The following MMD2 variants were observed in gnomAD, a reference collection of about 807,000 sequenced individuals.
The protein encoded by MMD2 is monocyte to macrophage differentiation associated 2.
MMD2 carries 30 observed loss-of-function variants against 33.5 expected under a neutral mutation model. The ratio of observed to expected loss-of-function variants is 0.90; its 90% confidence interval spans 0.67 to 1.22. MMD2 has a LOEUF of 1.22. MMD2 is among the 50% of genes most tolerant of loss of function. The probability of loss-of-function intolerance (pLI) is 0.00; values close to 1 mark genes in which losing one functional copy is unlikely to be tolerated. For missense variants in MMD2, 364 were observed against 325.4 expected (o/e 1.12, Z -0.91); for synonymous variants, 129 against 123.0 (o/e 1.05, Z -0.32).
intron 3 of MMD2, among the ~76,000 whole-genome samples, chr7:4,919,086 G>A (rs376165052): frequency 2.0e-5 from 3 of 151,754 alleles, no homozygotes; most frequent in East Asian, 1.9e-4. Context: ...GTGACAGAGT[G>A]AGACCCCATC....
In MMD2 at chr7:4,906,919, A is replaced by T. The variant is rs767189135; in HGVS notation, c.*477T>A. On this transcript the variant is annotated 3_prime_UTR_variant, in exon 7 of 7. Coordinates refer to ENST00000401401, the MANE Select transcript of MMD2 (RefSeq NM_198403.4). ...ATGTCTGCCATGGTCACAGCCATTC[A>T]CCATCCCTCATCTTCAAGCTGGGCT... 9 of 240,996 alleles carry T rather than the reference A, an allele frequency of 3.7e-5. No individual in the cohort carries two copies. The highest frequency in any genetic ancestry group is 7.2e-5 in the Non-Finnish European group (9 of 124,738). 14.9% of individuals were successfully genotyped at this position (240,996 alleles called of 1,614,324 possible). A position where few individuals can be genotyped will look rare whatever the true frequency, so the allele number is the denominator to read the frequency against.
chr7:4,895,952 T>C, the MMD2 span, among the ~76,000 whole-genome samples: 1 of 152,088 alleles, frequency 6.6e-6, no homozygotes, highest in Non-Finnish European at 1.5e-5. Context: ...CCGGGAATCA[T>C]GACAAAGACT....
chr7:4,907,602 G>C lies in MMD2; in HGVS notation c.538-3C>G, dbSNP rs763100940. The C allele has an allele frequency of 6.2e-7, 1 of 1,612,018 alleles. No homozygotes were observed. The highest frequency in any genetic ancestry group is 2.2e-5 in the East Asian group (1 of 44,882). On this transcript the variant is annotated splice_region_variant and splice_polypyrimidine_tract_variant and intron_variant, in intron 6 of 6. Transcript: ENST00000401401. ...TCCCAGATGCCCTCGGTGTTGGGCT[G>C]TCGGCAAGGACAAGGGTGGGGCACA... is the stretch of plus-strand genomic sequence containing the variant.
intron 1 of MMD2, among the ~76,000 whole-genome samples, chr7:4,949,277 C>A (rs1050169302): frequency 6.6e-6 from 1 of 151,976 alleles, no homozygotes; most frequent in Non-Finnish European, 1.5e-5. Flanking sequence ...AGGTCTTATT[C>A]ATACTAACTA....
intron 4 of MMD2, among the ~76,000 whole-genome samples, chr7:4,914,525 C>T (rs1785093426): frequency 6.6e-6 from 1 of 152,074 alleles, no homozygotes; most frequent in African/African-American, 2.4e-5. Context: ...GTTTTTGTCC[C>T]CAACAAAGAG....
intron 3 of MMD2, among the ~76,000 whole-genome samples, chr7:4,918,877 C>T (rs1448306556): frequency 6.6e-6 from 1 of 151,822 alleles, no homozygotes; most frequent in Non-Finnish European, 1.5e-5. Context: ...GAGGGCAGAT[C>T]GCCTGAGCCC....
chr7:4,894,655 C>A, the MMD2 span, among the ~76,000 whole-genome samples: 281 of 152,198 alleles, frequency 1.8e-3, no homozygotes, highest in African/African-American at 6.6e-3. The surrounding 1 kb of genome is among the most constrained non-coding windows in gnomAD (Gnocchi z 4.3). Flanking sequence ...ACTCAGCCCG[C>A]CCCTGGCCAC....
At chr7:4,939,454 A>T (rs1785841539) in intron 1 of MMD2, among the ~76,000 whole-genome samples, 1 of 151,594 alleles carries the variant, frequency 6.6e-6, no homozygotes. Flanking sequence ...GAGGTGGGAG[A>T]ATAGCTTGAA....
intron 2 of MMD2, among the ~76,000 whole-genome samples, chr7:4,923,989 G>C (rs1013315431): frequency 5.9e-5 from 9 of 152,042 alleles, no homozygotes; most frequent in Non-Finnish European, 1.2e-4. Context: ...TCAGGAGATC[G>C]AGACCATTCT....
downstream of MMD2, among the ~76,000 whole-genome samples, chr7:4,903,940 C>CTT (rs775137042): frequency 6.6e-6 from 1 of 151,216 alleles, no homozygotes; most frequent in African/African-American, 2.4e-5. Flanking sequence ...CCTCCCCACC[C>CTT]TTTTTTTTTG....
chr7:4,911,287 C>A, intron 4 of MMD2, 41 bp from the exon 5 acceptor site: 3 of 1,504,518 alleles, frequency 2.0e-6, no homozygotes, highest in Non-Finnish European at 2.7e-6. Flanking sequence ...TGAGGGGGGC[C>A]CACCAGGACC....
At chr7:4,939,066 T>C (rs1450808111) in intron 1 of MMD2, among the ~76,000 whole-genome samples, 1 of 151,818 alleles carries the variant, frequency 6.6e-6, no homozygotes, top group Non-Finnish European at 1.5e-5. Context: ...AACAATTAGC[T>C]GAGCATGGTG....
chr7:4,955,184 T>A (rs1786350208), intron 1 of MMD2, among the ~76,000 whole-genome samples: 1 of 152,198 alleles, frequency 6.6e-6, no homozygotes, highest in Non-Finnish European at 1.5e-5. Flanking sequence ...CATGAATCTA[T>A]TTCAGGCCTC....
the MMD2 span, among the ~76,000 whole-genome samples, chr7:4,897,798 T>C: frequency 6.6e-6 from 1 of 152,076 alleles, no homozygotes; most frequent in Non-Finnish European, 1.5e-5. Flanking sequence ...AGTACAATGG[T>C]GTGATCTCGG....
chr7:4,915,394 TTA>T (rs1785113822), intron 4 of MMD2, among the ~76,000 whole-genome samples: 1 of 152,080 alleles, frequency 6.6e-6, no homozygotes, highest in African/African-American at 2.4e-5. Context: ...TTACACATAT[TTA>T]TATATGTGTA....
chr7:4,929,639 C>A (rs755277069), intron 1 of MMD2, among the ~76,000 whole-genome samples: 2 of 152,040 alleles, frequency 1.3e-5, no homozygotes, highest in Admixed American at 1.3e-4. Flanking sequence ...ATTATCCTGC[C>A]TCAGCCTCCC....
Position 4,946,458 on chromosome 7 carries a change from G to T in MMD2, c.47+12513C>A, listed in dbSNP as rs1242556459. The stretch of plus-strand genomic sequence containing the variant: ...TCCAGTGATGCTGAAGGGAAGTGGG[G>T]GTGCAGAGTCTTCACTAAGGGAGGA... On this transcript the variant is annotated intron_variant, in intron 1 of 6. Transcript: ENST00000401401. This position sits in a 1 kb window ranked among gnomAD's most constrained non-coding sequence, Gnocchi z 5.0. Among the ~76,000 whole-genome samples, 1 of 152,098 alleles carries T rather than the reference G, an allele frequency of 6.6e-6. No homozygotes were observed. The highest frequency in any genetic ancestry group is 6.6e-5 in the Admixed American group (1 of 15,238).
At chr7:4,899,451 T>C in the MMD2 span, among the ~76,000 whole-genome samples, 1 of 151,936 alleles carries the variant, frequency 6.6e-6, no homozygotes, top group Non-Finnish European at 1.5e-5. Context: ...TGCAGTACCA[T>C]GATCTCAGCT....
intron 6 of MMD2, among the ~76,000 whole-genome samples, chr7:4,908,349 C>T (rs1174770751): frequency 6.6e-6 from 1 of 151,676 alleles, no homozygotes; most frequent in East Asian, 2.0e-4. Flanking sequence ...ACCATGTTGG[C>T]CAGGCTGGTC....
Sources: allele counts gnomAD v4.1 joint callset (sites outside exome capture counted in the v4.1 genomes callset), GRCh38; gene constraint gnomAD v4.1.1; non-coding constraint Gnocchi (gnomAD v3.1); transcripts MANE v1.5; gene names NCBI Gene and HGNC (gene_info 2026-07-23, HGNC 2026-07-21).